The following PSG1 variants were observed in gnomAD, a reference collection of about 807,000 sequenced individuals.
PSG1 encodes the protein pregnancy-specific beta-1-glycoprotein 1.
PSG1 carries 60 observed loss-of-function variants against 41.4 expected under a neutral mutation model. The ratio of observed to expected loss-of-function variants is 1.45; its 90% CI spans 1.18 to 1.80. The LOEUF is 1.80. Among genes scored for constraint, PSG1 ranks in the 40% most tolerant of loss-of-function variants. PSG1 has a pLI of 0.00. For missense variants in PSG1, 806 were observed against 516.9 expected, an observed-to-expected ratio of 1.56 and a Z score of -5.42; for synonymous variants, 256 against 192.9, an observed-to-expected ratio of 1.33 and a Z score of -2.71.
Position 42,877,515 on chromosome 19 carries a change from G to A in PSG1, c.430+398C>T, listed in dbSNP as rs8111114. Among the ~76,000 whole-genome samples, 48 of 151,514 alleles carry A rather than the reference G, an allele frequency of 3.2e-4. 1 individual carries two copies. The highest frequency in any genetic ancestry group is 1.1e-3 in the African/African-American group (47 of 41,276). ...ATCTGGAACAAGGATTTAGGGACAAGGGTCTGGGGTTGAGGCTTCTAGGGC... is the reference window on the plus strand; with the variant it reads ...ATCTGGAACAAGGATTTAGGGACAAAGGTCTGGGGTTGAGGCTTCTAGGGC... On this transcript the variant is annotated intron_variant, in intron 2 of 5. Transcript: ENST00000436291.
At position 42,879,546 on chromosome 19, in the gene PSG1, G is replaced by A. The variant is rs1440542272; in HGVS notation, c.36C>T (p.Arg12=). The change falls in exon 1 of 6, where the codon CGC becomes CGT. Residue 12 remains arginine, a synonymous_variant. Coordinates refer to ENST00000436291, the MANE Select transcript of PSG1 (RefSeq NM_001184825.2). Reference sequence around the variant, plus strand: ...TGAGCAGGAGCCCCTTCCATTTGATGCGCTGTGTGCAGGGAGGGGCTGAGA... The same window carrying A: ...TGAGCAGGAGCCCCTTCCATTTGATACGCTGTGTGCAGGGAGGGGCTGAGA... ...GTLSAPPCTQ[R]IKWKGLLLTA... The A allele has an allele frequency of 3.1e-6, 5 of 1,610,764 alleles. No individual in the cohort carries two copies. The highest frequency in any genetic ancestry group is 4.2e-6 in the Non-Finnish European group (5 of 1,178,260).
chr19:42,879,099 T>G (rs1251407675), intron 1 of PSG1, among the ~76,000 whole-genome samples: 7 of 151,558 alleles, frequency 4.6e-5, no homozygotes, highest in East Asian at 1.9e-4. Flanking sequence ...TGTCCCTCTC[T>G]GGTGTATTTT....
At chr19:42,875,069 G>C (rs986098720) in intron 2 of PSG1, among the ~76,000 whole-genome samples, 2 of 151,714 alleles carry the variant, frequency 1.3e-5, no homozygotes, top group African/African-American at 4.8e-5. Context: ...CAGCAGGCCT[G>C]TCCAGCCTCT....
chr19:42,873,905 C>A (rs1301239539), intron 2 of PSG1, among the ~76,000 whole-genome samples: 4 of 151,774 alleles, frequency 2.6e-5, no homozygotes, highest in African/African-American at 7.2e-5. Flanking sequence ...TCAGGAAACA[C>A]CACTAGAGTT....
At chr19:42,870,906 C>T (rs967569579) in intron 3 of PSG1, among the ~76,000 whole-genome samples, 2 of 151,472 alleles carry the variant, frequency 1.3e-5, no homozygotes, top group Non-Finnish European at 2.9e-5. Flanking sequence ...TCAGATTGTT[C>T]ATTGTTAGTG....
rs966440844 is a variant in PSG1, at chr19:42,876,435, G to C, written c.430+1478C>G. On this transcript the variant is annotated intron_variant, in intron 2 of 5. Transcript: ENST00000436291. Reference sequence around the variant, plus strand: ...TGAAACATGGATGTCAGCCTCTGAAGGACAAGGGACAGGTGTGGCTAGAAC... The same window carrying C: ...TGAAACATGGATGTCAGCCTCTGAACGACAAGGGACAGGTGTGGCTAGAAC... 8.8e-4 allele frequency among the ~76,000 whole-genome samples: 133 copies of C among 151,514 alleles called. 4 individuals are homozygous for C. The highest frequency in any genetic ancestry group is 1.7e-3 in the South Asian group (8 of 4,748).
rs1064472 is a variant in PSG1 at position 42,879,647 on chromosome 19, C to A, written c.-66G>T. On this transcript the variant is annotated 5_prime_UTR_variant, in exon 1 of 6. Coordinates refer to ENST00000436291, the MANE Select transcript of PSG1 (RefSeq NM_001184825.2). The stretch of plus-strand genomic sequence containing the variant: ...CTAGGATCCAGAAACTCTCTGAGCA[C>A]GGCTGTCAGCTGTGCTGTCCTTCCT... 6.9e-6 allele frequency: 11 copies of A among 1,590,844 alleles called. No homozygotes were observed. The African/African-American group carries it at 1.4e-4, about 20-fold the overall frequency.
intron 1 of PSG1, among the ~76,000 whole-genome samples, chr19:42,878,922 G>C (rs562019973): frequency 6.6e-6 from 1 of 151,396 alleles, no homozygotes; most frequent in Non-Finnish European, 1.5e-5. Flanking sequence ...TGAGGACAGT[G>C]TTTCCTGCCC....
At chr19:42,870,894 T>A (rs1444613371) in intron 3 of PSG1, among the ~76,000 whole-genome samples, 1 of 151,740 alleles carries the variant, frequency 6.6e-6, no homozygotes, top group Admixed American at 6.6e-5. Flanking sequence ...CTTAATTTCC[T>A]TTCAGATTGT....
chr19:42,878,456 G>A (rs1971720198), intron 1 of PSG1, 178 bp from the exon 2 acceptor site: 30 of 1,108,680 alleles, frequency 2.7e-5, no homozygotes, highest in East Asian at 5.1e-5. Context: ...TTGTGTGTGT[G>A]TATGTGTGTG....
intron 2 of PSG1, among the ~76,000 whole-genome samples, 160 bp downstream of exon 2, chr19:42,877,753 T>C (rs1029652852): frequency 6.6e-6 from 1 of 151,658 alleles, no homozygotes. Context: ...CTGTTGAAAT[T>C]TGTCTCCTCT....
chr19:42,871,197 G>A (rs1050258220), intron 3 of PSG1, among the ~76,000 whole-genome samples: 1 of 151,590 alleles, frequency 6.6e-6, no homozygotes, highest in African/African-American at 2.4e-5. Context: ...ATATGTTTTA[G>A]TGATTTGGGG....
At chr19:42,873,880 C>A in intron 2 of PSG1, among the ~76,000 whole-genome samples, 1 of 151,638 alleles carries the variant, frequency 6.6e-6, no homozygotes, top group Non-Finnish European at 1.5e-5. Flanking sequence ...ATGCTTTCTT[C>A]ATTTTCTCTT....
intron 2 of PSG1, among the ~76,000 whole-genome samples, chr19:42,876,974 G>T (rs1388130410): frequency 2.0e-5 from 3 of 151,530 alleles, no homozygotes; most frequent in Non-Finnish European, 4.4e-5. Context: ...CTCTTGCTCA[G>T]TCACTGTGCC....
intron 2 of PSG1, among the ~76,000 whole-genome samples, chr19:42,874,820 A>G (rs1971538063): frequency 6.6e-6 from 1 of 150,930 alleles, no homozygotes; most frequent in South Asian, 2.1e-4. Context: ...ATGAGTGAGG[A>G]TGGGGTCAAG....
chr19:42,879,450 C>T, intron 1 of PSG1, 68 bp downstream of exon 1: 8 of 1,588,800 alleles, frequency 5.0e-6, no homozygotes. Context: ...ACCCCATCCT[C>T]TCCAGGAGAC....
At chr19:42,871,677 A>T (rs1300809387) in intron 3 of PSG1, 90 bp downstream of exon 3, 1 of 1,611,484 alleles carries the variant, frequency 6.2e-7, no homozygotes, top group Non-Finnish European at 8.5e-7. Context: ...AGGTCTCTGT[A>T]TTGGACCTGA....
rs1406930706 is a variant in PSG1 at position 42,875,637 on chromosome 19, A to G, written c.430+2276T>C. The stretch of plus-strand genomic sequence containing the variant: ...CCCATGATTCCATCACCAAACAATC[A>G]GCAGTACTAATTTTTTAGTCCTGTG... On this transcript the variant is annotated intron_variant, in intron 2 of 5. Transcript: ENST00000436291. Among the ~76,000 whole-genome samples, 5 of 151,484 alleles carry G rather than the reference A, an allele frequency of 3.3e-5. No homozygotes were observed. The East Asian group carries it at 9.7e-4, about 29-fold the overall frequency.
intron 2 of PSG1, among the ~76,000 whole-genome samples, chr19:42,875,793 A>T (rs892682955): frequency 6.7e-6 from 1 of 148,396 alleles, no homozygotes; most frequent in Non-Finnish European, 1.5e-5. Flanking sequence ...GCAAACCGCC[A>T]TTTCAATTAT....
Sources: gnomAD v4.1 joint callset for allele counts (sites outside exome capture counted in the v4.1 genomes callset) on GRCh38, gnomAD v4.1.1 for gene constraint, MANE v1.5 for transcripts, NCBI Gene and HGNC (gene_info 2026-07-23, HGNC 2026-07-21) for gene names.